The following CNTNAP2 variants were observed in gnomAD, a reference collection of about 807,000 sequenced individuals.
The protein encoded by CNTNAP2 is contactin associated protein 2.
Under a neutral mutation model 155.2 loss-of-function variants are expected in CNTNAP2, and 98 were observed. The ratio of observed to expected loss-of-function variants is 0.63; its 90% CI spans 0.54 to 0.75. The LOEUF (loss-of-function observed/expected upper bound fraction) is 0.75, where lower values mean the gene tolerates loss of function less well. Ranked by LOEUF, CNTNAP2 falls within the 30% of genes least tolerant of loss-of-function variation. CNTNAP2 has a pLI of 0.00. For synonymous variants in CNTNAP2, 651 were observed against 631.2 expected (o/e 1.03, Z -0.47); for missense variants, 1,727 against 1,688.1 (o/e 1.02, Z -0.40).
chr7:146,275,824 T>C (rs1800154951), intron 1 of CNTNAP2, among the ~76,000 whole-genome samples: 1 of 152,226 alleles, frequency 6.6e-6, no homozygotes, highest in Admixed American at 6.5e-5. Context: ...CCTAATTCAA[T>C]AACTCAGATT....
chr7:148,191,255 GCTCTCT>G (rs140567836), intron 18 of CNTNAP2, among the ~76,000 whole-genome samples: 1 of 148,254 alleles, frequency 6.7e-6, no homozygotes, highest in Non-Finnish European at 1.5e-5. Context: ...GTGCACTCTT[GCTCTCT>G]CTCTCTCTCT....
intron 13 of CNTNAP2, among the ~76,000 whole-genome samples, chr7:147,859,255 A>T (rs936529116): frequency 3.3e-5 from 5 of 152,156 alleles, no homozygotes; most frequent in Non-Finnish European, 5.9e-5. Flanking sequence ...AGGGAAAACA[A>T]CAGAAATATC....
At chr7:146,841,013 C>T (rs190412067) in intron 3 of CNTNAP2, among the ~76,000 whole-genome samples, 2 of 152,240 alleles carry the variant, frequency 1.3e-5, no homozygotes, top group East Asian at 1.9e-4. Context: ...GTCTTCATCT[C>T]GCAATTGAGA....
chr7:147,986,860 TTA>T (rs1801626275), intron 15 of CNTNAP2, among the ~76,000 whole-genome samples: 2 of 130,690 alleles, frequency 1.5e-5, no homozygotes, highest in African/African-American at 3.1e-5. Context: ...TGTTTTTTTG[TTA>T]TGTTTTTTGT....
At chr7:147,252,114 A>G (rs1804212462) in intron 8 of CNTNAP2, among the ~76,000 whole-genome samples, 1 of 152,196 alleles carries the variant, frequency 6.6e-6, no homozygotes, top group Admixed American at 6.6e-5. Flanking sequence ...CTGTTGGATG[A>G]AAAGTTGCTG....
intron 13 of CNTNAP2, among the ~76,000 whole-genome samples, chr7:147,851,521 C>T (rs905289159): frequency 6.6e-6 from 1 of 152,044 alleles, no homozygotes; most frequent in Non-Finnish European, 1.5e-5. Flanking sequence ...TGGAACCAAC[C>T]CAAATATCCA....
At chr7:148,269,906 T>G (rs544236561) in intron 21 of CNTNAP2, among the ~76,000 whole-genome samples, 1 of 152,206 alleles carries the variant, frequency 6.6e-6, no homozygotes, top group African/African-American at 2.4e-5. Context: ...AAACAAACGC[T>G]ACACTATGAT....
intron 15 of CNTNAP2, among the ~76,000 whole-genome samples, chr7:148,027,721 A>C (rs972288699): frequency 2.6e-5 from 4 of 152,226 alleles, no homozygotes; most frequent in Non-Finnish European, 2.9e-5. Context: ...TATTTTGTAA[A>C]GAGGTTTATT....
At chr7:147,373,967 A>C (rs549759148) in intron 9 of CNTNAP2, among the ~76,000 whole-genome samples, 1 of 152,012 alleles carries the variant, frequency 6.6e-6, no homozygotes, top group South Asian at 2.1e-4. Context: ...AGGAAAAAAA[A>C]AGCAAACATA....
At chr7:147,602,460 G>A (rs562648023) in intron 12 of CNTNAP2, among the ~76,000 whole-genome samples, 13 of 149,296 alleles carry the variant, frequency 8.7e-5, no homozygotes, top group African/African-American at 2.7e-4. Flanking sequence ...TTATTAATGG[G>A]ATATTTTACA....
intron 21 of CNTNAP2, among the ~76,000 whole-genome samples, chr7:148,330,857 TGGATGGAC>T (rs1207444186): frequency 8.1e-6 from 1 of 122,992 alleles, no homozygotes; most frequent in African/African-American, 3.2e-5. Context: ...ATGGATGGAA[TGGATGGAC>T]GGATGGAGTG....
chr7:146,191,558 G>A (rs1484054342), intron 1 of CNTNAP2, among the ~76,000 whole-genome samples: 1 of 152,122 alleles, frequency 6.6e-6, no homozygotes, highest in Non-Finnish European at 1.5e-5. Flanking sequence ...ATAGGCCTGG[G>A]AGTGCTACGG....
intron 19 of CNTNAP2, among the ~76,000 whole-genome samples, chr7:148,225,158 C>T (rs1032307952): frequency 6.6e-6 from 1 of 152,166 alleles, no homozygotes; most frequent in South Asian, 2.1e-4. Flanking sequence ...TCTCATGGAG[C>T]TTATCTTTGA....
At chr7:147,574,494 C>G (rs1800351146) in intron 12 of CNTNAP2, among the ~76,000 whole-genome samples, 1 of 152,046 alleles carries the variant, frequency 6.6e-6, no homozygotes, top group Admixed American at 6.6e-5. Flanking sequence ...TCAGTAGTGT[C>G]CTTGTTTGGA....
At chr7:146,880,192 T>C (rs1795515516) in intron 3 of CNTNAP2, among the ~76,000 whole-genome samples, 1 of 152,096 alleles carries the variant, frequency 6.6e-6, no homozygotes, top group South Asian at 2.1e-4. Flanking sequence ...AATTCACATG[T>C]TGAAAGCCTA....
chr7:146,346,323 C>T (rs1399525290), intron 1 of CNTNAP2, among the ~76,000 whole-genome samples: 1 of 152,184 alleles, frequency 6.6e-6, no homozygotes, highest in Non-Finnish European at 1.5e-5. Flanking sequence ...GCATTAGAGT[C>T]TCACAGGAGA....
chr7:146,987,224 T>G (rs1365990144), intron 3 of CNTNAP2, among the ~76,000 whole-genome samples: 1 of 152,162 alleles, frequency 6.6e-6, no homozygotes, highest in East Asian at 1.9e-4. Flanking sequence ...GCTTAATTCT[T>G]GTGAAAAATG....
intron 1 of CNTNAP2, among the ~76,000 whole-genome samples, chr7:146,586,622 C>A (rs1798696322): frequency 6.6e-6 from 1 of 152,118 alleles, no homozygotes; most frequent in African/African-American, 2.4e-5. Context: ...ATCACACACA[C>A]ATAAACATGC....
At chr7:146,372,469 C>T (rs1432222044) in intron 1 of CNTNAP2, among the ~76,000 whole-genome samples, 1 of 138,388 alleles carries the variant, frequency 7.2e-6, no homozygotes, top group African/African-American at 2.4e-5. Flanking sequence ...TATTTGATTA[C>T]CTATATTACC....
Sources: gnomAD v4.1 joint callset for allele counts (sites outside exome capture counted in the v4.1 genomes callset) on GRCh38, gnomAD v4.1.1 for gene constraint, MANE v1.5 for transcripts, NCBI Gene and HGNC (gene_info 2026-07-23, HGNC 2026-07-21) for gene names.